MRPS31: variants seen among roughly 807,000 people sequenced by gnomAD.
MRPS31 encodes the protein small ribosomal subunit protein mS31.
Under a neutral mutation model 43.1 loss-of-function variants are expected in MRPS31, and 32 were observed. The observed-to-expected ratio is 0.74, with a 90% confidence interval of 0.56 to 1.00. The LOEUF is 1.00. MRPS31 is among the 50% of genes least tolerant of loss of function. MRPS31 has a pLI of 0.00. For synonymous variants in MRPS31, 165 were observed against 161.6 expected, an observed-to-expected ratio of 1.02 and a Z score of -0.16; for missense variants, 437 against 466.7, an observed-to-expected ratio of 0.94 and a Z score of 0.59.
intron 5 of MRPS31, among the ~76,000 whole-genome samples, chr13:40,750,182 T>TG (rs1880345336): frequency 6.6e-6 from 1 of 152,312 alleles, no homozygotes; most frequent in South Asian, 2.1e-4. Flanking sequence ...AATTGTATAC[T>TG]ACTCAGTAAT....
intron 2 of MRPS31, among the ~76,000 whole-genome samples, chr13:40,760,134 C>CAA (rs11327076): frequency 1.5e-4 from 12 of 77,870 alleles, no homozygotes; most frequent in Admixed American, 4.4e-4. Flanking sequence ...TAGACTCTGT[C>CAA]AAAAAAAAAA....
At chr13:40,735,111 C>T (rs1426256191) in intron 6 of MRPS31, among the ~76,000 whole-genome samples, 1 of 152,192 alleles carries the variant, frequency 6.6e-6, no homozygotes, top group Non-Finnish European at 1.5e-5. Context: ...TGAGGCATTG[C>T]CTCACTCGGG....
intron 6 of MRPS31, among the ~76,000 whole-genome samples, chr13:40,738,272 G>C (rs1038041229): frequency 1.4e-4 from 22 of 151,900 alleles, no homozygotes; most frequent in Non-Finnish European, 3.1e-4. Context: ...CCAATAACAG[G>C]ATCTGAAATT....
chr13:40,730,435 G>T lies in MRPS31; in HGVS notation c.959-834C>A, dbSNP rs1879647422. Among the ~76,000 whole-genome samples, 3 of 152,090 alleles carry T rather than the reference G, an allele frequency of 2.0e-5. No individual in the cohort carries two copies. In the South Asian group the frequency reaches 6.2e-4, roughly 31 times the overall value. On this transcript the variant is annotated intron_variant, in intron 6 of 6. Coordinates refer to ENST00000323563, the MANE Select transcript of MRPS31 (RefSeq NM_005830.4). ...AGCTACTTGGGAGGCTGAGGTATAA[G>T]AATTGTTTGAACCCAAGAGGCAAAG...
At chr13:40,755,684 T>C (rs1212544352) in intron 4 of MRPS31, among the ~76,000 whole-genome samples, 2 of 152,210 alleles carry the variant, frequency 1.3e-5, no homozygotes, top group Non-Finnish European at 2.9e-5. Context: ...GGTGAAAAAC[T>C]TGGCGTCTCA....
intron 6 of MRPS31, among the ~76,000 whole-genome samples, chr13:40,729,977 G>T (rs763114260): frequency 6.6e-6 from 1 of 151,776 alleles, no homozygotes; most frequent in Non-Finnish European, 1.5e-5. Context: ...TTATCTGCCC[G>T]CCTCGGCCTC....
intron 3 of MRPS31, among the ~76,000 whole-genome samples, chr13:40,757,486 C>A (rs1176947078): frequency 6.8e-6 from 1 of 146,094 alleles, no homozygotes; most frequent in African/African-American, 2.5e-5. Context: ...ACTCTGTTGC[C>A]CAGGTTGGAG....
intron 1 of MRPS31, among the ~76,000 whole-genome samples, chr13:40,767,461 C>T (rs1306763845): frequency 2.0e-5 from 3 of 152,240 alleles, no homozygotes; most frequent in African/African-American, 7.2e-5. Context: ...GTGAAATATA[C>T]TTTATTTACA....
At position 40,766,843 on chromosome 13, in the gene MRPS31, C is replaced by A. The variant is rs1479201207; in HGVS notation, c.343G>T (p.Val115Leu). ...GMKVELSTVN[V>L]RTTKPPKRRP... ...CTTTTGGGGGGCTTTGTTGTTCGTA[C>A]ATTTACTGTGCTTAATTCAACTTTC... Residue 115 changes from valine to leucine, a missense_variant, in exon 2 of 7, where the codon GTA (valine) becomes TTA (leucine). Transcript: ENST00000323563. The A allele has an allele frequency of 6.2e-7, 1 of 1,614,002 alleles. No homozygotes were observed. Among genetic ancestry groups the A allele is most frequent in the Non-Finnish European group, 8.5e-7 (1 of 1,180,020 alleles).
At chr13:40,746,910 A>G (rs1272553231) in intron 6 of MRPS31, among the ~76,000 whole-genome samples, 1 of 152,206 alleles carries the variant, frequency 6.6e-6, no homozygotes, top group Non-Finnish European at 1.5e-5. Context: ...CCAATCTTGT[A>G]TAATGAGTCC....
rs776987282 is a variant in MRPS31 at position 40,754,039 on chromosome 13, G to T, written c.794C>A (p.Thr265Asn). The change falls in exon 5 of 7, where the codon ACT becomes AAT. Residue 265 changes from threonine to asparagine, a missense_variant. Transcript: ENST00000323563. ...CAAACCTGTTTCAGGTGCTTCTTTA[G>T]TAACTGCCATCATGTCAAAAATATT... The part of the protein sequence containing the change: ...RLNIFDMMAV[T>N]KEAPETDTSP... The T allele has an allele frequency of 1.3e-6, 2 of 1,599,642 alleles. No individual in the cohort carries two copies. The highest frequency in any genetic ancestry group is 2.2e-5 in the South Asian group (2 of 89,032).
intron 4 of MRPS31, among the ~76,000 whole-genome samples, chr13:40,754,918 C>G (rs1373401923): frequency 6.6e-6 from 1 of 152,172 alleles, no homozygotes. Context: ...CCTGTAATCT[C>G]TGCTACTTGA....
chr13:40,768,191 G>C (rs1313291259), intron 1 of MRPS31, among the ~76,000 whole-genome samples: 1 of 152,194 alleles, frequency 6.6e-6, no homozygotes, highest in Admixed American at 6.5e-5. Context: ...GTTAGTTTCA[G>C]TAAGAGGGTA....
intron 6 of MRPS31, among the ~76,000 whole-genome samples, 172 bp from the exon 7 acceptor site, chr13:40,729,773 G>A (rs1314600942): frequency 1.3e-5 from 2 of 149,216 alleles, no homozygotes; most frequent in African/African-American, 5.0e-5. Context: ...CTGTTGCTCA[G>A]GTTGAAGTGG....
intron 1 of MRPS31, among the ~76,000 whole-genome samples, chr13:40,768,638 C>G (rs563249255): frequency 2.1e-4 from 32 of 152,166 alleles, no homozygotes; most frequent in Middle Eastern, 3.4e-3. Context: ...GCGATCTGCC[C>G]GCCTCCCAAA....
intron 6 of MRPS31, among the ~76,000 whole-genome samples, chr13:40,744,192 C>A (rs1245689194): frequency 6.6e-6 from 1 of 152,152 alleles, no homozygotes; most frequent in South Asian, 2.1e-4. Flanking sequence ...GACACTGGGG[C>A]CTATTTGAGG....
intron 4 of MRPS31, among the ~76,000 whole-genome samples, chr13:40,754,554 A>G (rs192728895): frequency 4.0e-4 from 61 of 152,336 alleles, no homozygotes; most frequent in African/African-American, 1.4e-3. Flanking sequence ...TAAGGCAATC[A>G]TTCTGTATTT....
intron 5 of MRPS31, among the ~76,000 whole-genome samples, chr13:40,750,011 G>A (rs999087407): frequency 6.6e-6 from 1 of 152,012 alleles, no homozygotes; most frequent in Admixed American, 6.6e-5. Context: ...TTTCATCCCT[G>A]GATATATTCA....
intron 2 of MRPS31, among the ~76,000 whole-genome samples, chr13:40,760,191 G>A (rs7328453): frequency 0.14 from 20,194 of 148,888 alleles, 1,796 homozygotes; most frequent in South Asian, 0.27. Context: ...TTCCAGAACA[G>A]GGAACACTAA....
Sources: gnomAD v4.1 joint callset for allele counts (sites outside exome capture counted in the v4.1 genomes callset) on GRCh38, gnomAD v4.1.1 for gene constraint, MANE v1.5 for transcripts, NCBI Gene and HGNC (gene_info 2026-07-23, HGNC 2026-07-21) for gene names.